Variants in OTULINL observed in about 807,000 individuals in gnomAD.
OTULINL encodes inactive ubiquitin thioesterase OTULINL.
OTULINL carries 42 observed loss-of-function variants against 43.9 expected under a neutral mutation model. The ratio of observed to expected loss-of-function variants is 0.96; its 90% CI spans 0.75 to 1.24. The LOEUF (loss-of-function observed/expected upper bound fraction) is 1.24. Ranked by LOEUF, OTULINL falls within the 50% of genes most tolerant of loss-of-function variation. OTULINL has a pLI of 0.00. For missense variants in OTULINL, 411 were observed against 426.4 expected, an observed-to-expected ratio of 0.96 and a Z score of 0.32; for synonymous variants, 172 against 153.6, an observed-to-expected ratio of 1.12 and a Z score of -0.88.
At position 14,601,340 on chromosome 5, in the gene OTULINL, A is replaced by G. The variant is rs1351849533; in HGVS notation, c.257-11A>G. 6.2e-7 allele frequency: 1 copy of G among 1,613,126 alleles called. No individual in the cohort carries two copies. The highest frequency in any genetic ancestry group is 1.1e-5 in the South Asian group (1 of 90,914). ...GAGAATTAACAGCTTTTTATTTTTTATTTGGTCCAGGGAACCTCAGTGTGG... is the reference window on the plus strand; with the variant it reads ...GAGAATTAACAGCTTTTTATTTTTTGTTTGGTCCAGGGAACCTCAGTGTGG... On this transcript the variant is annotated splice_polypyrimidine_tract_variant and intron_variant, in intron 3 of 7. Coordinates refer to ENST00000274217, the MANE Select transcript of OTULINL (RefSeq NM_019018.3).
chr5:14,596,198 T>C (rs992816446), intron 1 of OTULINL, among the ~76,000 whole-genome samples: 9 of 152,272 alleles, frequency 5.9e-5, no homozygotes, highest in Middle Eastern at 3.4e-3. Context: ...TTTTGTTCTT[T>C]TTTTATGTAG....
chr5:14,609,525 TTGAA>T (rs1308850969), intron 7 of OTULINL, among the ~76,000 whole-genome samples: 5 of 152,192 alleles, frequency 3.3e-5, no homozygotes, highest in African/African-American at 7.2e-5. Flanking sequence ...ATAAAACTGA[TTGAA>T]TGATATAAAA....
chr5:14,588,407 T>C (rs1322394057), intron 1 of OTULINL, among the ~76,000 whole-genome samples: 1 of 152,092 alleles, frequency 6.6e-6, no homozygotes, highest in Non-Finnish European at 1.5e-5. Flanking sequence ...TTTCACTACC[T>C]TGAAACCATC....
At position 14,581,899 on chromosome 5, in the gene OTULINL, C is replaced by T. The variant is rs1275609300; in HGVS notation, c.5C>T (p.Ala2Val). Reference protein sequence around the residue: MAATRSPTRARE... With the variant: MVATRSPTRARE... Reference sequence around the variant, plus strand: ...CCCGTCCGCAGCGCGGCCGGCATGGCGGCGACAAGGAGCCCCACGCGGGCA... The same window carrying T: ...CCCGTCCGCAGCGCGGCCGGCATGGTGGCGACAAGGAGCCCCACGCGGGCA... The change falls in exon 1 of 8, where the codon GCG becomes GTG. Residue 2 changes from alanine to valine, a missense_variant. Ala to Val is a moderately conservative substitution (Grantham distance 64). Transcript: ENST00000274217. 4 of 1,412,480 alleles carry T rather than the reference C, an allele frequency of 2.8e-6. No individual in the cohort carries two copies. Among genetic ancestry groups the T allele is most frequent in the Admixed American group, 2.7e-5 (1 of 36,862 alleles). The allele number at this position is 1,412,480 out of a possible 1,614,324, so 87.5% of individuals were successfully genotyped here.
intron 5 of OTULINL, 89 bp from the exon 6 acceptor site, chr5:14,607,241 A>G: frequency 7.4e-7 from 1 of 1,360,144 alleles, no homozygotes; most frequent in Non-Finnish European, 1.0e-6. Flanking sequence ...AAAAAAAAAA[A>G]GATAAGGTTG....
chr5:14,609,310 A>G (rs913900531), intron 7 of OTULINL, among the ~76,000 whole-genome samples: 3 of 152,236 alleles, frequency 2.0e-5, no homozygotes, highest in African/African-American at 4.8e-5. Context: ...GACGTTCACC[A>G]GGAAAAAGTC....
chr5:14,610,379 C>G lies in OTULINL; in HGVS notation c.*65C>G. 1 of 1,529,230 alleles carries G rather than the reference C, an allele frequency of 6.5e-7. No individual in the cohort carries two copies. Among genetic ancestry groups the G allele is most frequent in the South Asian group, 1.1e-5 (1 of 87,312 alleles). The allele number at this position is 1,529,230 out of a possible 1,614,324, so 94.7% of individuals were successfully genotyped here. On this transcript the variant is annotated 3_prime_UTR_variant, in exon 8 of 8. Transcript: ENST00000274217. ...TGGTCACAGTTGCAATAAAGTCTCT[C>G]TCTGAAACCAAAGCTAGCATTTCAG...
At position 14,616,146 on chromosome 5, in the gene OTULINL, G is replaced by A. The variant is rs1412021490; in HGVS notation, c.*5832G>A. Among the ~76,000 whole-genome samples, 1 of 152,168 alleles carries A rather than the reference G, an allele frequency of 6.6e-6. No homozygotes were observed. The highest frequency in any genetic ancestry group is 2.4e-5 in the African/African-American group (1 of 41,442). On this transcript the variant is annotated 3_prime_UTR_variant, in exon 8 of 8. Transcript: ENST00000274217. ...TTTCTGTACTTAATCTTGCAGTGTG[G>A]TAATAAAGACTTCTACACTTTAGTA...
intron 1 of OTULINL, among the ~76,000 whole-genome samples, chr5:14,591,929 CAT>C (rs1468070765): frequency 6.6e-6 from 1 of 152,134 alleles, no homozygotes; most frequent in Non-Finnish European, 1.5e-5. Flanking sequence ...CACTTCCTGA[CAT>C]GTGAAAATTA....
rs141820100 is a variant in OTULINL at position 14,587,223 on chromosome 5, C to T, written c.64+5265C>T. Among the ~76,000 whole-genome samples the T allele has an allele frequency of 2.2e-3, 341 of 152,264 alleles. 4 individuals are homozygous for T. The highest frequency in any genetic ancestry group is 7.7e-3 in the African/African-American group (320 of 41,542). On this transcript the variant is annotated intron_variant, in intron 1 of 7. Transcript: ENST00000274217. ...TGGGGTTGTATTTTTTGACCTGTGA[C>T]GAGAAGGCCTCAACTTGCTTGTGAA...
intron 6 of OTULINL, 83 bp from the exon 7 acceptor site, chr5:14,608,665 T>A: frequency 9.0e-7 from 1 of 1,113,386 alleles, no homozygotes; most frequent in Non-Finnish European, 1.3e-6. Flanking sequence ...CTTTGGTTTA[T>A]TTTATAAATA....
rs1759640995 is a variant in OTULINL, at chr5:14,614,656, C to G, written c.*4342C>G. 2.5e-6 allele frequency: 1 copy of G among 398,478 alleles called. No individual in the cohort carries two copies. The highest frequency in any genetic ancestry group is 4.4e-5 in the Admixed American group (1 of 22,712). 24.7% of individuals were successfully genotyped at this position (398,478 alleles called of 1,614,324 possible). The stretch of plus-strand genomic sequence containing the variant: ...GGTCTGGAGTGCTCTGTAGAACAGC[C>G]CGAAGTGTACACCATGTCTCTGCAC... On this transcript the variant is annotated 3_prime_UTR_variant, in exon 8 of 8. Transcript: ENST00000274217.
rs973436960 is a variant in OTULINL at position 14,610,469 on chromosome 5, G to A, written c.*155G>A. ...ACACTGGATGCAGCCATGCATGGAT[G>A]GTTTTTCTTTATTTTTCAGTGATTT... is the stretch of plus-strand genomic sequence containing the variant. On this transcript the variant is annotated 3_prime_UTR_variant, in exon 8 of 8. Transcript: ENST00000274217. The A allele has an allele frequency of 4.2e-6, 3 of 720,654 alleles. No individual in the cohort carries two copies. The highest frequency in any genetic ancestry group is 6.6e-6 in the Non-Finnish European group (3 of 454,134). The allele number at this position is 720,654 out of a possible 1,614,324, so 44.6% of individuals were successfully genotyped here.
Position 14,614,752 on chromosome 5 carries a change from T to G in OTULINL, c.*4438T>G, listed in dbSNP as rs1249693008. ...GAACAGTGTGGCCCAAGAGCCAGCA[T>G]GGAGGAGGGCTGTGTGAGCAGACTG... On this transcript the variant is annotated 3_prime_UTR_variant, in exon 8 of 8. Coordinates refer to ENST00000274217, the MANE Select transcript of OTULINL (RefSeq NM_019018.3). 2 of 398,612 alleles carry G rather than the reference T, an allele frequency of 5.0e-6. No individual in the cohort carries two copies. The highest frequency in any genetic ancestry group is 4.1e-5 in the African/African-American group (2 of 48,738). 24.7% of individuals were successfully genotyped at this position (398,612 alleles called of 1,614,324 possible).
In OTULINL at chr5:14,607,316, A is replaced by G. The variant is rs749515979; in HGVS notation, c.499-14A>G. ...CATATGCTAATCATAGTTGGCATCT[A>G]CTTCCTTTTCAAGCTTCCTGAAAAA... On this transcript the variant is annotated splice_polypyrimidine_tract_variant and intron_variant, in intron 5 of 7. Coordinates refer to ENST00000274217, the MANE Select transcript of OTULINL (RefSeq NM_019018.3). 2 of 1,613,150 alleles carry G rather than the reference A, an allele frequency of 1.2e-6. No individual in the cohort carries two copies. Among genetic ancestry groups the G allele is most frequent in the Non-Finnish European group, 8.5e-7 (1 of 1,179,686 alleles).
At chr5:14,593,777 G>A (rs185151188) in intron 1 of OTULINL, among the ~76,000 whole-genome samples, 15 of 152,306 alleles carry the variant, frequency 9.8e-5, no homozygotes, top group Non-Finnish European at 7.3e-5. Flanking sequence ...AATCCTCTCA[G>A]TGTTTGGCCA....
intron 1 of OTULINL, among the ~76,000 whole-genome samples, chr5:14,594,154 A>G (rs1350098116): frequency 1.3e-5 from 2 of 152,144 alleles, no homozygotes; most frequent in Non-Finnish European, 2.9e-5. Context: ...ACAACCAACT[A>G]ATCTATGATT....
At chr5:14,597,602 C>G (rs1759309468) in intron 1 of OTULINL, among the ~76,000 whole-genome samples, 1 of 152,216 alleles carries the variant, frequency 6.6e-6, no homozygotes, top group Non-Finnish European at 1.5e-5. Context: ...AAGTCATACT[C>G]TTTCCTACTA....
At chr5:14,585,341 A>T (rs1489213784) in intron 1 of OTULINL, among the ~76,000 whole-genome samples, 6 of 118,726 alleles carry the variant, frequency 5.1e-5, no homozygotes, top group Non-Finnish European at 9.8e-5. Context: ...TCCATAGTTG[A>T]TTTTGTTGTT....
Sources: gnomAD v4.1 joint callset for allele counts (sites outside exome capture counted in the v4.1 genomes callset) on GRCh38, gnomAD v4.1.1 for gene constraint, MANE v1.5 for transcripts, NCBI Gene and HGNC (gene_info 2026-07-23, HGNC 2026-07-21) for gene names.